Variants in SLC35F4 observed in about 807,000 individuals in gnomAD.
SLC35F4 encodes chromosome 14 open reading frame 36.
Under a neutral mutation model 44.2 loss-of-function variants are expected in SLC35F4, and 24 were observed. That is an observed-to-expected ratio of 0.54 (90% confidence interval 0.39 to 0.76). The LOEUF (loss-of-function observed/expected upper bound fraction) is 0.76. SLC35F4 is among the 30% of genes least tolerant of loss of function. SLC35F4 has a pLI of 0.00. For missense variants in SLC35F4, 562 were observed against 586.1 expected, an observed-to-expected ratio of 0.96 and a Z score of 0.42; for synonymous variants, 238 against 223.6, an observed-to-expected ratio of 1.06 and a Z score of -0.57.
chr14:57,961,469 C>G (rs968936875), intron 1 of SLC35F4, among the ~76,000 whole-genome samples: 1 of 152,150 alleles, frequency 6.6e-6, no homozygotes, highest in African/African-American at 2.4e-5. Flanking sequence ...AGGTCTTTTC[C>G]TCCCTGCATC....
intron 1 of SLC35F4, among the ~76,000 whole-genome samples, chr14:57,668,490 C>T (rs1429913429): frequency 6.6e-6 from 1 of 152,056 alleles, no homozygotes; most frequent in Non-Finnish European, 1.5e-5. Flanking sequence ...TTTAATCCAT[C>T]TTGAATTAAT....
intron 1 of SLC35F4, among the ~76,000 whole-genome samples, chr14:57,621,143 A>C (rs1210657633): frequency 6.6e-6 from 1 of 151,818 alleles, no homozygotes; most frequent in Non-Finnish European, 1.5e-5. Context: ...AAGAACTACA[A>C]ACCACTGCTC....
chr14:57,952,942 A>C (rs1890167354), intron 1 of SLC35F4, among the ~76,000 whole-genome samples: 5 of 152,244 alleles, frequency 3.3e-5, no homozygotes, highest in Admixed American at 3.3e-4. Context: ...AGAGAACACC[A>C]CAGAGATACT....
chr14:57,590,158 G>A (rs1251491832), intron 2 of SLC35F4, among the ~76,000 whole-genome samples: 1 of 150,428 alleles, frequency 6.6e-6, no homozygotes, highest in African/African-American at 2.4e-5. Context: ...GGGAGGCCAA[G>A]GTGGGAGGAT....
chr14:57,672,895 T>A (rs1775570895), intron 1 of SLC35F4, among the ~76,000 whole-genome samples: 1 of 152,134 alleles, frequency 6.6e-6, no homozygotes, highest in African/African-American at 2.4e-5. Flanking sequence ...TTTTTTTATT[T>A]GTTTGTTTTT....
chr14:57,840,332 TACTC>T (rs1885370301), intron 1 of SLC35F4, among the ~76,000 whole-genome samples: 1 of 152,196 alleles, frequency 6.6e-6, no homozygotes, highest in Admixed American at 6.5e-5. Flanking sequence ...CATAAACTAA[TACTC>T]ACAGACTTTA....
intron 1 of SLC35F4, among the ~76,000 whole-genome samples, chr14:57,644,411 ATCT>A (rs2073399550): frequency 6.6e-6 from 1 of 150,394 alleles, no homozygotes; most frequent in Non-Finnish European, 1.5e-5. Flanking sequence ...CAGCATAAAT[ATCT>A]TCTTTTGAGA....
At chr14:57,634,131 T>C (rs1000169265) in intron 1 of SLC35F4, among the ~76,000 whole-genome samples, 1 of 152,140 alleles carries the variant, frequency 6.6e-6, no homozygotes, top group African/African-American at 2.4e-5. Context: ...GCACCCACCA[T>C]GTGCTAGGAA....
intron 1 of SLC35F4, among the ~76,000 whole-genome samples, chr14:57,888,444 A>G (rs1566922193): frequency 1.3e-5 from 2 of 152,192 alleles, no homozygotes; most frequent in Non-Finnish European, 2.9e-5. Flanking sequence ...ACTATCTGAG[A>G]GTCATGGGTT....
At position 57,940,983 on chromosome 14, in the gene SLC35F4, C is replaced by T. The variant is rs145858308; in HGVS notation, n.282+40930G>A. Among the ~76,000 whole-genome samples, 200 of 152,250 alleles carry T rather than the reference C, an allele frequency of 1.3e-3. 2 individuals are homozygous for T. The Middle Eastern group carries it at 0.017, about 13-fold the overall frequency. On this transcript the variant is annotated intron_variant and non_coding_transcript_variant, in intron 1 of 1. Coordinates refer to the SLC35F4 transcript ENST00000556568. ...CAACATCATTAGTCATTAGGGAAAA[C>T]GAATCCACTCATACCTATTAGGATG...
At chr14:57,934,719 T>C (rs1889765308) in intron 1 of SLC35F4, among the ~76,000 whole-genome samples, 1 of 152,072 alleles carries the variant, frequency 6.6e-6, no homozygotes, top group Non-Finnish European at 1.5e-5. Flanking sequence ...GCCTCCCTCA[T>C]GAGTAAACAA....
chr14:57,971,683 T>TA lies in SLC35F4; in HGVS notation n.282+10229dup, dbSNP rs532672603. Among the ~76,000 whole-genome samples, 235 of 152,184 alleles carry TA rather than the reference T, an allele frequency of 1.5e-3. 1 individual carries two copies. The Middle Eastern group carries it at 0.024, about 15-fold the overall frequency. ...TATGAGCTCACTTATAAGTGGAATC[T>TA]AAAAAAATTGAACTCATAGAAGCAG... On this transcript the variant is annotated intron_variant and non_coding_transcript_variant, in intron 1 of 1. Coordinates refer to the SLC35F4 transcript ENST00000556568.
intron 1 of SLC35F4, among the ~76,000 whole-genome samples, chr14:57,761,510 T>A (rs1358194146): frequency 1.3e-5 from 2 of 152,034 alleles, no homozygotes; most frequent in Admixed American, 1.3e-4. Flanking sequence ...TTAGGAAGAG[T>A]AAGTTATTAC....
intron 1 of SLC35F4, among the ~76,000 whole-genome samples, chr14:57,805,495 T>C (rs944807469): frequency 6.6e-6 from 1 of 152,178 alleles, no homozygotes; most frequent in Non-Finnish European, 1.5e-5. Flanking sequence ...TGGAAGCCAT[T>C]ATCCTCAGCA....
intron 1 of SLC35F4, among the ~76,000 whole-genome samples, chr14:57,951,660 A>C (rs553131348): frequency 1.1e-4 from 16 of 152,206 alleles, no homozygotes; most frequent in Non-Finnish European, 1.9e-4. Context: ...GTGTAAACAA[A>C]GCCTCAGGGA....
intron 1 of SLC35F4, among the ~76,000 whole-genome samples, chr14:57,777,936 AAAGT>A (rs1359849839): frequency 2.0e-5 from 3 of 152,130 alleles, no homozygotes; most frequent in Non-Finnish European, 2.9e-5. Flanking sequence ...GGAACAGAAA[AAAGT>A]AAGGTTGGTG....
In SLC35F4 at chr14:57,959,108, C is replaced by T. The variant is rs190076303; in HGVS notation, n.282+22805G>A. Among the ~76,000 whole-genome samples, 911 of 152,276 alleles carry T rather than the reference C, an allele frequency of 6.0e-3. 6 individuals carry two copies. The highest frequency in any genetic ancestry group is 1.0e-2 in the Non-Finnish European group (680 of 68,024). On this transcript the variant is annotated intron_variant and non_coding_transcript_variant, in intron 1 of 1. Coordinates refer to the SLC35F4 transcript ENST00000556568. The stretch of plus-strand genomic sequence containing the variant: ...AAGGATGGCTATCATCTATTGACCA[C>T]TTACTGCATGCTGGGCCCTGACCTA...
chr14:57,617,127 A>ATTTTTT (rs1566688809), intron 1 of SLC35F4, among the ~76,000 whole-genome samples: 1 of 64,094 alleles, frequency 1.6e-5, no homozygotes. Context: ...AACTGTACTT[A>ATTTTTT]TTCTTTTTTT....
At chr14:57,904,256 T>C (rs989422100) in intron 1 of SLC35F4, among the ~76,000 whole-genome samples, 3 of 152,192 alleles carry the variant, frequency 2.0e-5, no homozygotes, top group African/African-American at 7.2e-5. Flanking sequence ...TGTGCATTTA[T>C]GGTGGTAGAA....
Sources: allele counts gnomAD v4.1 joint callset (sites outside exome capture counted in the v4.1 genomes callset), GRCh38; gene constraint gnomAD v4.1.1; transcripts MANE v1.5; gene names NCBI Gene and HGNC (gene_info 2026-07-23, HGNC 2026-07-21).